FHOD3: variants seen among roughly 807,000 people sequenced by gnomAD.
FHOD3 encodes FH1/FH2 domain-containing protein 3.
Under a neutral mutation model 173.0 loss-of-function variants are expected in FHOD3, and 90 were observed. That is an observed-to-expected ratio of 0.52 (90% CI 0.44 to 0.62). FHOD3 has a LOEUF of 0.62. FHOD3 is among the 20% of genes least tolerant of loss of function. FHOD3 has a pLI of 0.00. For synonymous variants in FHOD3, 828 were observed against 823.0 expected, an observed-to-expected ratio of 1.01 and a Z score of -0.10; for missense variants, 1,945 against 2,034.7, an observed-to-expected ratio of 0.96 and a Z score of 0.85.
At chr18:36,355,329 C>T (rs2046310583) in intron 1 of FHOD3, among the ~76,000 whole-genome samples, 1 of 152,206 alleles carries the variant, frequency 6.6e-6, no homozygotes, top group South Asian at 2.1e-4. Flanking sequence ...CTGTCGATGT[C>T]ACTCTGTTAA....
intron 2 of FHOD3, among the ~76,000 whole-genome samples, chr18:36,361,500 A>G (rs1205821834): frequency 6.6e-6 from 1 of 152,074 alleles, no homozygotes; most frequent in Non-Finnish European, 1.5e-5. Context: ...AGCCTGGCCA[A>G]CATGGGAAAC....
At chr18:36,618,553 C>A (rs891330413) in intron 9 of FHOD3, among the ~76,000 whole-genome samples, 1 of 152,062 alleles carries the variant, frequency 6.6e-6, no homozygotes, top group Non-Finnish European at 1.5e-5. Context: ...CTCAGGTGAT[C>A]CACCCTCCTC....
chr18:36,595,066 G>A (rs1376945724), intron 7 of FHOD3, among the ~76,000 whole-genome samples, 168 bp downstream of exon 7: 1 of 152,138 alleles, frequency 6.6e-6, no homozygotes, highest in Non-Finnish European at 1.5e-5. Flanking sequence ...AAAGCTTAGG[G>A]CCGGAATGGG....
intron 5 of FHOD3, among the ~76,000 whole-genome samples, chr18:36,569,688 C>G (rs60903444): frequency 2.0e-5 from 3 of 152,026 alleles, no homozygotes; most frequent in Admixed American, 2.0e-4. Flanking sequence ...TCATGGGTCA[C>G]AAAATAAACC....
intron 14 of FHOD3, among the ~76,000 whole-genome samples, chr18:36,669,139 T>C (rs988742351): frequency 6.6e-6 from 1 of 151,954 alleles, no homozygotes; most frequent in African/African-American, 2.4e-5. Flanking sequence ...TTGAAGCTCT[T>C]TTATTAGGTG....
At chr18:36,444,301 C>G (rs1465048486) in intron 3 of FHOD3, among the ~76,000 whole-genome samples, 1 of 151,932 alleles carries the variant, frequency 6.6e-6, no homozygotes, top group East Asian at 1.9e-4. Flanking sequence ...TTTCCTGCCC[C>G]CTTCAGTGTG....
intron 1 of FHOD3, among the ~76,000 whole-genome samples, chr18:36,306,818 A>G (rs966637740): frequency 3.9e-5 from 6 of 152,194 alleles, no homozygotes; most frequent in African/African-American, 1.4e-4. Flanking sequence ...GTTAGAAGGG[A>G]GGAAGAATAG....
In FHOD3 at chr18:36,547,971, T is replaced by TA. The variant is rs561524009; in HGVS notation, c.512-28479dup. Among the ~76,000 whole-genome samples, 315 of 152,300 alleles carry TA rather than the reference T, an allele frequency of 2.1e-3. 1 individual carries two copies. The highest frequency in any genetic ancestry group is 7.2e-3 in the African/African-American group (301 of 41,590). ...ACTTTGGGAGGCCAAAGAAGCGGAT[T>TA]ACCTGAGGTCAGGAGTTAGAGACCA... On this transcript the variant is annotated intron_variant, in intron 5 of 28. Coordinates refer to ENST00000590592, the MANE Select transcript of FHOD3 (RefSeq NM_001281740.3).
chr18:36,651,526 G>A (rs1201329968), intron 11 of FHOD3, among the ~76,000 whole-genome samples: 1 of 152,176 alleles, frequency 6.6e-6, no homozygotes, highest in Non-Finnish European at 1.5e-5. Context: ...TCCAAGGCAG[G>A]TGGATCACTT....
chr18:36,762,004 C>T (rs1423873434), intron 27 of FHOD3, among the ~76,000 whole-genome samples: 1 of 151,916 alleles, frequency 6.6e-6, no homozygotes, highest in Non-Finnish European at 1.5e-5. Context: ...CAGACATTTT[C>T]GTAGGCTCTA....
intron 19 of FHOD3, among the ~76,000 whole-genome samples, chr18:36,720,733 C>G (rs2040724867): frequency 8.6e-6 from 1 of 116,176 alleles, no homozygotes; most frequent in Admixed American, 9.1e-5. Flanking sequence ...CCTCCTTCTT[C>G]TTCTCCTCCT....
At chr18:36,447,322 T>A (rs1037608931) in intron 3 of FHOD3, among the ~76,000 whole-genome samples, 5 of 152,168 alleles carry the variant, frequency 3.3e-5, no homozygotes, top group African/African-American at 1.2e-4. Flanking sequence ...GATATGAGTA[T>A]GTGTTTGAGG....
intron 9 of FHOD3, among the ~76,000 whole-genome samples, chr18:36,614,840 ATTTTTTTTT>A (rs751719654): frequency 2.3e-5 from 2 of 86,194 alleles, no homozygotes; most frequent in African/African-American, 4.8e-5. Flanking sequence ...TTTTTAATTG[ATTTTTTTTT>A]TTTTTTTTTT....
intron 3 of FHOD3, among the ~76,000 whole-genome samples, chr18:36,424,683 C>G (rs1286499142): frequency 3.9e-5 from 6 of 152,216 alleles, no homozygotes; most frequent in Non-Finnish European, 4.4e-5. Context: ...GCAGTCTACC[C>G]TTGTTTACAA....
At chr18:36,357,003 T>G (rs12966207) in intron 2 of FHOD3, among the ~76,000 whole-genome samples, 61,662 of 151,830 alleles carry the variant, frequency 0.41, 15,808 homozygotes, top group African/African-American at 0.72. Flanking sequence ...AACTTAAGAG[T>G]TTCCCTGATA....
chr18:36,660,123 G>C (rs987647165), intron 14 of FHOD3, among the ~76,000 whole-genome samples: 16 of 152,132 alleles, frequency 1.1e-4, no homozygotes, highest in African/African-American at 3.6e-4. Flanking sequence ...ACAAAACTTA[G>C]CCGAGTGTGG....
intron 28 of FHOD3, among the ~76,000 whole-genome samples, chr18:36,772,399 A>G (rs2043425682): frequency 6.6e-6 from 1 of 152,246 alleles, no homozygotes. Context: ...TCATGCTGAA[A>G]CAGTGCTGTA....
At chr18:36,692,919 A>T (rs1467414698) in intron 16 of FHOD3, 5 of 418,620 alleles carry the variant, frequency 1.2e-5, no homozygotes, top group Admixed American at 7.6e-5. Flanking sequence ...TTATTTACAA[A>T]TGTTCCCTAA....
intron 17 of FHOD3, among the ~76,000 whole-genome samples, chr18:36,694,640 C>T (rs997198463): frequency 7.2e-5 from 11 of 152,156 alleles, no homozygotes; most frequent in Non-Finnish European, 1.3e-4. Flanking sequence ...GAGAGATATC[C>T]TCCTGCAGAG....
Sources: gnomAD v4.1 joint callset for allele counts (sites outside exome capture counted in the v4.1 genomes callset) on GRCh38, gnomAD v4.1.1 for gene constraint, MANE v1.5 for transcripts, NCBI Gene and HGNC (gene_info 2026-07-23, HGNC 2026-07-21) for gene names.